Variants in PCDHA1 observed in about 807,000 individuals in gnomAD.
PCDHA1 encodes protocadherin alpha 1.
In PCDHA1, 42 loss-of-function variants were observed where a neutral mutation model predicts 61.3. The ratio of observed to expected loss-of-function variants is 0.69; its 90% CI spans 0.54 to 0.89. The LOEUF (loss-of-function observed/expected upper bound fraction) is 0.89. Ranked by LOEUF, PCDHA1 falls within the 40% of genes least tolerant of loss-of-function variation. The pLI is 0.00. For missense variants in PCDHA1, 1,256 were observed against 1,235.3 expected, an observed-to-expected ratio of 1.02 and a Z score of -0.25; for synonymous variants, 610 against 553.8, an observed-to-expected ratio of 1.10 and a Z score of -1.43.
rs748166275 is a variant in PCDHA1 at position 140,954,138 on chromosome 5, T to C, written c.2395-24811T>C. Among the ~76,000 whole-genome samples the C allele has an allele frequency of 5.9e-4, 90 of 152,260 alleles. 1 individual carries two copies. The highest frequency in any genetic ancestry group is 6.5e-4 in the Admixed American group (10 of 15,282). On this transcript the variant is annotated intron_variant, in intron 1 of 3. Coordinates refer to ENST00000504120, the MANE Select transcript of PCDHA1 (RefSeq NM_018900.4). The stretch of plus-strand genomic sequence containing the variant: ...CTTGTTCCTTTTTATGGATGCATAG[T>C]ATTCCATGGTGTATATGTACCACAT...
At chr5:140,802,812 G>A in intron 1 of PCDHA1, 2 of 1,613,522 alleles carry the variant, frequency 1.2e-6, no homozygotes, top group East Asian at 2.2e-5. Context: ...GAGTGCGCGC[G>A]ATGCGGGCGT....
chr5:140,880,736 T>C (rs1554171410), intron 1 of PCDHA1, among the ~76,000 whole-genome samples: 4 of 152,068 alleles, frequency 2.6e-5, no homozygotes, highest in Non-Finnish European at 5.9e-5. Context: ...ATAGAGAAAA[T>C]GGATTGTCAG....
chr5:140,811,802 T>A (rs558844210), intron 1 of PCDHA1: 2 of 152,236 alleles, frequency 1.3e-5, no homozygotes, highest in Admixed American at 6.5e-5. Flanking sequence ...TGTCTTCTTT[T>A]GAGAAGTGTC....
At chr5:140,870,962 C>T (rs1489353896) in intron 1 of PCDHA1, 3 of 1,613,532 alleles carry the variant, frequency 1.9e-6, no homozygotes, top group Admixed American at 1.7e-5. Context: ...TCGCGCATCC[C>T]GTTCCGCGTG....
chr5:140,969,586 C>A lies in PCDHA1; in HGVS notation c.2395-9363C>A. The A allele has an allele frequency of 3.4e-6, 3 of 894,952 alleles. No homozygotes were observed. In the Admixed American group the frequency reaches 9.0e-5, roughly 27 times the overall value. The allele number at this position is 894,952 out of a possible 1,614,324, so 55.4% of individuals were successfully genotyped here. A position where few individuals can be genotyped will look rare whatever the true frequency, so the allele number is the denominator to read the frequency against. ...AATTGTTTGAGAAGTGAGGATTAGT[C>A]TTAATATTTAATGCTAAAACACAGA... On this transcript the variant is annotated intron_variant, in intron 1 of 3. Transcript: ENST00000504120.
chr5:140,807,397 C>T, intron 1 of PCDHA1: 1 of 1,344,452 alleles, frequency 7.4e-7, no homozygotes, highest in Non-Finnish European at 1.0e-6. Flanking sequence ...CGTCCAAGGG[C>T]CGCGGAGGCC....
chr5:140,884,410 G>T, intron 1 of PCDHA1: 1 of 1,614,008 alleles, frequency 6.2e-7, no homozygotes, highest in South Asian at 1.1e-5. Context: ...TGGTGCTCAC[G>T]TTGCTGCTGT....
chr5:140,894,293 T>A (rs782004160), intron 1 of PCDHA1, among the ~76,000 whole-genome samples: 1 of 152,100 alleles, frequency 6.6e-6, no homozygotes, highest in Non-Finnish European at 1.5e-5. Context: ...TGAAGTTTAT[T>A]TTCCTGGAAA....
rs782616846 is a variant in PCDHA1 at position 140,788,562 on chromosome 5, G to T, written c.2272G>T (p.Val758Leu). ...GAACTCACAGCAGAGGCGGCAGAGG[G>T]TGTGCTCTAGCGAGGGCCCACCCAA... ...WSNSQQRRQR[V>L]CSSEGPPKTD... The change falls in exon 1 of 4, where the codon GTG (valine) becomes TTG (leucine). Residue 758 changes from valine (V) to leucine (L), a missense_variant. Val to Leu is a conservative substitution (Grantham distance 32). Transcript: ENST00000504120. The T allele has an allele frequency of 6.2e-6, 10 of 1,614,182 alleles. No individual in the cohort carries two copies. Among genetic ancestry groups the T allele is most frequent in the Non-Finnish European group, 8.5e-6 (10 of 1,180,016 alleles).
intron 1 of PCDHA1, chr5:140,968,039 G>A (rs1016266543): frequency 1.7e-5 from 28 of 1,614,026 alleles, no homozygotes; most frequent in Non-Finnish European, 1.9e-5. Context: ...GGTGGTGAGC[G>A]GCCCACTGGA....
intron 1 of PCDHA1, among the ~76,000 whole-genome samples, chr5:140,878,794 T>G (rs2057730678): frequency 6.6e-6 from 1 of 152,218 alleles, no homozygotes; most frequent in African/African-American, 2.4e-5. Flanking sequence ...CAATCACTTT[T>G]TAAAAACATA....
At chr5:140,807,948 A>T (rs1046867611) in intron 1 of PCDHA1, 2 of 1,614,124 alleles carry the variant, frequency 1.2e-6, no homozygotes, top group Non-Finnish European at 8.5e-7. Context: ...TTACTAGAAA[A>T]TGTTCCTAAT....
At chr5:140,808,893 G>A (rs782804250) in intron 1 of PCDHA1, 6 of 1,613,408 alleles carry the variant, frequency 3.7e-6, no homozygotes, top group Non-Finnish European at 5.1e-6. Flanking sequence ...CTAGCGCCTC[G>A]GGCGGGTGGC....
rs1554163586 is a variant in PCDHA1, at chr5:140,869,907, C to T, written c.2394+81223C>T. ...TTGTGCTCAAACTAAACGCCACAGA[C>T]CGAGACGAAGGAGTCAATGGAGAGG... is the stretch of plus-strand genomic sequence containing the variant. On this transcript the variant is annotated intron_variant, in intron 1 of 3. Transcript: ENST00000504120. 1.9e-6 allele frequency: 3 copies of T among 1,610,738 alleles called. No individual in the cohort carries two copies. The East Asian group carries it at 6.7e-5, about 36-fold the overall frequency.
intron 1 of PCDHA1, chr5:140,883,472 A>G (rs782442737): frequency 1.2e-5 from 20 of 1,614,018 alleles, no homozygotes; most frequent in Non-Finnish European, 1.4e-5. Context: ...GTCCACCTAC[A>G]AGAACTACTA....
rs2150425327 is a variant in PCDHA1 at position 140,848,932 on chromosome 5, G to T, written c.2394+60248G>T. The T allele has an allele frequency of 3.7e-6, 6 of 1,607,494 alleles. No individual in the cohort carries two copies. In the African/African-American group the frequency reaches 8.1e-5, roughly 22 times the overall value. ...AAGAATCTGTTCATCGCGGAATCCA[G>T]GCCGCTTGACTCTCGGTTTCCACTA... On this transcript the variant is annotated intron_variant, in intron 1 of 3. Transcript: ENST00000504120.
intron 1 of PCDHA1, chr5:140,850,972 T>C (rs2150504573): frequency 6.8e-7 from 1 of 1,465,332 alleles, no homozygotes; most frequent in African/African-American, 1.4e-5. Flanking sequence ...GCCGTTCAAA[T>C]AGTTTTATTC....
intron 1 of PCDHA1, among the ~76,000 whole-genome samples, chr5:140,953,010 G>C (rs116014174): frequency 0.016 from 2,468 of 152,152 alleles, 61 homozygotes; most frequent in African/African-American, 0.055. Flanking sequence ...ACTATTATGA[G>C]AACAACATTA....
chr5:140,990,379 G>C (rs1554251452), intron 3 of PCDHA1, among the ~76,000 whole-genome samples: 3 of 152,092 alleles, frequency 2.0e-5, no homozygotes. Context: ...CAAATTTGTT[G>C]GTGATGTTCC....
Sources: allele counts gnomAD v4.1 joint callset (sites outside exome capture counted in the v4.1 genomes callset), GRCh38; gene constraint gnomAD v4.1.1; transcripts MANE v1.5; gene names NCBI Gene and HGNC (gene_info 2026-07-23, HGNC 2026-07-21).